The following SYT1 variants were observed in gnomAD, a reference collection of about 807,000 sequenced individuals.
SYT1 encodes the protein synaptotagmin-1.
A neutral mutation model predicts 44.8 loss-of-function variants in SYT1; 8 were observed. The ratio of observed to expected loss-of-function variants is 0.18; its 90% confidence interval spans 0.10 to 0.32. SYT1 has a LOEUF of 0.32. Ranked by LOEUF, SYT1 falls within the 10% of genes least tolerant of loss-of-function variation. SYT1 has a pLI of 1.00. For synonymous variants in SYT1, 154 were observed against 188.8 expected (o/e 0.82, Z 1.51); for missense variants, 286 against 509.3 (o/e 0.56, Z 4.22).
In SYT1 at chr12:79,444,799, T is replaced by A. The variant is rs113639276; in HGVS notation, c.1062+593T>A. Among the ~76,000 whole-genome samples the A allele has an allele frequency of 3.9e-5, 6 of 152,256 alleles. 1 individual carries two copies. Among genetic ancestry groups the A allele is most frequent in the African/African-American group, 1.4e-4 (6 of 41,556 alleles). On this transcript the variant is annotated intron_variant, in intron 10 of 10. Coordinates refer to ENST00000261205, the MANE Select transcript of SYT1 (RefSeq NM_005639.3). ...ATGAAGGGAAATATTCTATTAAATA[T>A]CCTTGTAGTTAATATGTTCATATTA...
At chr12:79,272,220 G>C (rs1878466447) in intron 4 of SYT1, among the ~76,000 whole-genome samples, 1 of 152,186 alleles carries the variant, frequency 6.6e-6, no homozygotes, top group Non-Finnish European at 1.5e-5. Context: ...AGGTGAGTGT[G>C]GGGGAACAGT....
intron 1 of SYT1, among the ~76,000 whole-genome samples, chr12:78,867,414 T>C (rs1161783367): frequency 2.6e-5 from 4 of 152,214 alleles, no homozygotes; most frequent in Non-Finnish European, 4.4e-5. Flanking sequence ...TATCTGTGTA[T>C]TGGAAATCAG....
At chr12:79,351,761 G>A (rs1882913939) in intron 8 of SYT1, among the ~76,000 whole-genome samples, 1 of 152,054 alleles carries the variant, frequency 6.6e-6, no homozygotes, top group Admixed American at 6.5e-5. Context: ...GGCACATCAG[G>A]TGAATTCAGC....
At chr12:79,258,830 CTTAATT>C (rs1455828259) in intron 4 of SYT1, among the ~76,000 whole-genome samples, 1 of 152,050 alleles carries the variant, frequency 6.6e-6, no homozygotes, top group African/African-American at 2.4e-5. Context: ...TTTTACTTGA[CTTAATT>C]TTAATAATAT....
At chr12:79,263,991 T>G (rs1375831254) in intron 4 of SYT1, among the ~76,000 whole-genome samples, 1 of 152,084 alleles carries the variant, frequency 6.6e-6, no homozygotes, top group African/African-American at 2.4e-5. Context: ...TCTATTGTCT[T>G]TGATTGATTT....
chr12:78,950,463 G>A (rs1002752683), intron 1 of SYT1, among the ~76,000 whole-genome samples: 1 of 152,050 alleles, frequency 6.6e-6, no homozygotes, highest in Non-Finnish European at 1.5e-5. Context: ...ACCAGTTTCT[G>A]TGGAATATAT....
At chr12:79,308,637 A>G (rs900384977) in intron 8 of SYT1, among the ~76,000 whole-genome samples, 4 of 150,600 alleles carry the variant, frequency 2.7e-5, no homozygotes, top group Non-Finnish European at 3.0e-5. Context: ...AGAAAGAAAG[A>G]AAGAAAGAAA....
At chr12:79,193,277 C>A (rs1873241068) in intron 3 of SYT1, among the ~76,000 whole-genome samples, 1 of 151,924 alleles carries the variant, frequency 6.6e-6, no homozygotes, top group South Asian at 2.1e-4. Context: ...TAATGCTAGG[C>A]AATAAGACAT....
intron 3 of SYT1, among the ~76,000 whole-genome samples, chr12:79,201,502 C>T (rs1873782735): frequency 6.6e-6 from 1 of 152,122 alleles, no homozygotes; most frequent in African/African-American, 2.4e-5. Flanking sequence ...AGGATCTGAC[C>T]TTCAAAATTA....
intron 7 of SYT1, among the ~76,000 whole-genome samples, chr12:79,296,540 T>C (rs1879883300): frequency 6.6e-6 from 1 of 152,156 alleles, no homozygotes; most frequent in Admixed American, 6.6e-5. Context: ...AATGAAATCA[T>C]TATTTTTCTG....
At chr12:79,116,288 T>C (rs1170401884) in intron 3 of SYT1, among the ~76,000 whole-genome samples, 1 of 152,208 alleles carries the variant, frequency 6.6e-6, no homozygotes, top group Non-Finnish European at 1.5e-5. Flanking sequence ...CAGAGGATGA[T>C]GGCCCAAAAA....
At chr12:79,294,809 T>A (rs1879799606) in intron 6 of SYT1, among the ~76,000 whole-genome samples, 1 of 152,108 alleles carries the variant, frequency 6.6e-6, no homozygotes, top group Non-Finnish European at 1.5e-5. Flanking sequence ...ATGCCTATTT[T>A]AGCTGTTTTT....
chr12:79,152,866 A>T, intron 3 of SYT1, among the ~76,000 whole-genome samples: 1 of 149,392 alleles, frequency 6.7e-6, no homozygotes, highest in South Asian at 2.1e-4. Context: ...CATAAAAAGC[A>T]AGAAAAATGT....
At chr12:79,366,462 C>T (rs991720035) in intron 9 of SYT1, among the ~76,000 whole-genome samples, 6 of 152,378 alleles carry the variant, frequency 3.9e-5, no homozygotes, top group South Asian at 2.1e-4. Flanking sequence ...TGCCAAGAGG[C>T]AGGCCTAAGG....
At chr12:79,329,810 C>G (rs1040146494) in intron 8 of SYT1, among the ~76,000 whole-genome samples, 2 of 152,222 alleles carry the variant, frequency 1.3e-5, no homozygotes, top group Admixed American at 6.5e-5. Context: ...CATCTCTACA[C>G]TGTATCCATT....
intron 3 of SYT1, among the ~76,000 whole-genome samples, chr12:79,184,289 T>C (rs1203021365): frequency 6.6e-6 from 1 of 152,072 alleles, no homozygotes; most frequent in Non-Finnish European, 1.5e-5. Context: ...TCATTGTACT[T>C]GTAGAACTAT....
At chr12:79,221,253 CT>C (rs745533085) in intron 4 of SYT1, among the ~76,000 whole-genome samples, 3 of 151,932 alleles carry the variant, frequency 2.0e-5, no homozygotes, top group Non-Finnish European at 4.4e-5. Context: ...TTCCTGCTCT[CT>C]TTTGGTTTCC....
chr12:79,082,750 T>A (rs1877119151), intron 3 of SYT1, among the ~76,000 whole-genome samples: 1 of 152,074 alleles, frequency 6.6e-6, no homozygotes, highest in Admixed American at 6.6e-5. Flanking sequence ...TTTTACTTCA[T>A]GAGCCAAGGA....
At chr12:79,011,856 G>A (rs962759100) in intron 2 of SYT1, among the ~76,000 whole-genome samples, 2 of 152,024 alleles carry the variant, frequency 1.3e-5, no homozygotes. Context: ...TTTAGGCCTG[G>A]CATGGTGGCT....
Sources: allele counts gnomAD v4.1 joint callset (sites outside exome capture counted in the v4.1 genomes callset), GRCh38; gene constraint gnomAD v4.1.1; transcripts MANE v1.5; gene names NCBI Gene and HGNC (gene_info 2026-07-23, HGNC 2026-07-21).